RIGI: variants seen among roughly 807,000 people sequenced by gnomAD.
RIGI encodes RNA sensor RIG-I.
the RIGI span, among the ~76,000 whole-genome samples, chr9:32,496,655 A>G: frequency 3.0e-4 from 45 of 152,222 alleles, no homozygotes; most frequent in Non-Finnish European, 4.8e-4. Context: ...CCAAAAATAT[A>G]TATACACATA....
At chr9:32,519,462 C>T in the RIGI span, among the ~76,000 whole-genome samples, 6 of 152,072 alleles carry the variant, frequency 3.9e-5, no homozygotes, top group African/African-American at 1.2e-4. Flanking sequence ...AACTAGAGAG[C>T]TATAAGAACT....
the RIGI span, among the ~76,000 whole-genome samples, chr9:32,458,983 G>C: frequency 6.8e-6 from 1 of 147,752 alleles, no homozygotes; most frequent in Non-Finnish European, 1.5e-5. Context: ...TCTGCCTCCC[G>C]GTTCAAGCGA....
chr9:32,488,784 T>C, the RIGI span: 1 of 1,613,258 alleles, frequency 6.2e-7, no homozygotes, highest in South Asian at 1.1e-5. Context: ...GTTCATACAC[T>C]GGGATCTGAT....
chr9:32,525,226 A>G, the RIGI span, among the ~76,000 whole-genome samples: 2 of 152,120 alleles, frequency 1.3e-5, no homozygotes, highest in African/African-American at 2.4e-5. Flanking sequence ...CCCTTCTTCC[A>G]GATATACTCT....
the RIGI span, among the ~76,000 whole-genome samples, chr9:32,521,596 A>C: frequency 6.6e-6 from 1 of 152,176 alleles, no homozygotes; most frequent in Non-Finnish European, 1.5e-5. Context: ...TTTAACCTCA[A>C]ACTAACTTTT....
chr9:32,470,117 C>CT, the RIGI span, among the ~76,000 whole-genome samples: 2 of 152,152 alleles, frequency 1.3e-5, no homozygotes, highest in Non-Finnish European at 2.9e-5. Context: ...ATCCAGAATA[C>CT]TTTTTTTAAA....
At chr9:32,500,728 A>G in the RIGI span, 2 of 1,530,748 alleles carry the variant, frequency 1.3e-6, no homozygotes, top group Admixed American at 2.1e-5. Flanking sequence ...TTCAAATTTA[A>G]TAGCTTTTCA....
chr9:32,524,892 T>C, the RIGI span, among the ~76,000 whole-genome samples: 2 of 152,038 alleles, frequency 1.3e-5, no homozygotes, highest in African/African-American at 4.8e-5. Flanking sequence ...CGAAGGCCCT[T>C]GGGATGTGAC....
the RIGI span, among the ~76,000 whole-genome samples, chr9:32,509,289 CTG>C: frequency 3.3e-5 from 5 of 152,188 alleles, no homozygotes; most frequent in African/African-American, 9.7e-5. Context: ...TCCCTGATAC[CTG>C]TGCCTCCTGG....
the RIGI span, among the ~76,000 whole-genome samples, chr9:32,470,900 A>C: frequency 1.3e-5 from 2 of 152,254 alleles, no homozygotes; most frequent in Non-Finnish European, 2.9e-5. Context: ...TATAGAGTTC[A>C]CACTGATAAA....
At chr9:32,508,506 T>C in the RIGI span, among the ~76,000 whole-genome samples, 6 of 151,782 alleles carry the variant, frequency 4.0e-5, no homozygotes, top group Non-Finnish European at 8.8e-5. Flanking sequence ...GTCTGGGAAC[T>C]CCCTCCCCTA....
chr9:32,517,761 C>T, the RIGI span, among the ~76,000 whole-genome samples: 3 of 151,986 alleles, frequency 2.0e-5, no homozygotes, highest in East Asian at 1.9e-4. Flanking sequence ...AAAATGCCCA[C>T]GTATTAATTT....
chr9:32,462,645 GT>G, the RIGI span, among the ~76,000 whole-genome samples: 1 of 151,886 alleles, frequency 6.6e-6, no homozygotes, highest in African/African-American at 2.4e-5. Context: ...CTGACCTCAG[GT>G]TATCCACCCA....
At chr9:32,484,203 A>C in the RIGI span, among the ~76,000 whole-genome samples, 3 of 152,206 alleles carry the variant, frequency 2.0e-5, no homozygotes, top group East Asian at 5.8e-4. Context: ...GTTTTTAAGC[A>C]GGACAGGGAC....
the RIGI span, chr9:32,481,599 T>C: frequency 9.0e-6 from 8 of 888,052 alleles, no homozygotes; most frequent in Admixed American, 8.9e-5. Flanking sequence ...TTTTTTTTTT[T>C]CCTCGAGGCA....
the RIGI span, chr9:32,481,207 T>A: frequency 1.1e-6 from 1 of 874,426 alleles, no homozygotes; most frequent in Non-Finnish European, 1.7e-6. Flanking sequence ...GTTTGCTTCA[T>A]AAGAACTTTC....
At chr9:32,487,577 G>A in the RIGI span, 8 of 1,614,146 alleles carry the variant, frequency 5.0e-6, no homozygotes, top group Non-Finnish European at 6.8e-6. Context: ...TATAATCCAA[G>A]GCTTCATCTG....
At chr9:32,512,459 G>A in the RIGI span, among the ~76,000 whole-genome samples, 519 of 152,242 alleles carry the variant, frequency 3.4e-3, no homozygotes, top group African/African-American at 7.6e-3. Context: ...CAGAACTAAT[G>A]ACAAAAACCA....
At chr9:32,521,732 A>T in the RIGI span, among the ~76,000 whole-genome samples, 660 of 152,222 alleles carry the variant, frequency 4.3e-3, 3 homozygotes, top group African/African-American at 0.015. Flanking sequence ...TTATATTTGT[A>T]TAGATGTGCT....
Sources: allele counts gnomAD v4.1 joint callset (sites outside exome capture counted in the v4.1 genomes callset), GRCh38; gene constraint gnomAD v4.1.1; transcripts MANE v1.5; gene names NCBI Gene and HGNC (gene_info 2026-07-23, HGNC 2026-07-21).